DIP2C: variants seen among roughly 807,000 people sequenced by gnomAD.
DIP2C encodes the protein disco-interacting protein 2 homolog C.
In DIP2C, 33 loss-of-function variants were observed where a neutral mutation model predicts 192.4. That is an observed-to-expected ratio of 0.17 (90% confidence interval 0.13 to 0.23). The LOEUF is 0.23. DIP2C is among the 10% of genes least tolerant of loss of function. The pLI is 1.00. For missense variants in DIP2C, 1,537 were observed against 2,110.1 expected, an observed-to-expected ratio of 0.73 and a Z score of 5.32; for synonymous variants, 979 against 864.1, an observed-to-expected ratio of 1.13 and a Z score of -2.33.
intron 6 of DIP2C, among the ~76,000 whole-genome samples, chr10:417,285 G>A (rs1404784947): frequency 6.6e-6 from 1 of 152,150 alleles, no homozygotes; most frequent in Non-Finnish European, 1.5e-5. Flanking sequence ...GCCCCTGTGG[G>A]ATTCTGGTGT....
intron 2 of DIP2C, among the ~76,000 whole-genome samples, chr10:481,202 G>A (rs903532446): frequency 6.6e-6 from 1 of 152,216 alleles, no homozygotes; most frequent in African/African-American, 2.4e-5. Context: ...CCAACGGCCA[G>A]CCCAGGTGAA....
At chr10:586,985 T>C (rs1378467050) in intron 1 of DIP2C, among the ~76,000 whole-genome samples, 1 of 151,920 alleles carries the variant, frequency 6.6e-6, no homozygotes, top group Non-Finnish European at 1.5e-5. Context: ...GGGTCCCCAC[T>C]GACAGCATGG....
At chr10:645,050 G>C (rs553231842) in intron 1 of DIP2C, among the ~76,000 whole-genome samples, 2 of 152,294 alleles carry the variant, frequency 1.3e-5, no homozygotes, top group African/African-American at 2.4e-5. Flanking sequence ...CTCCGGATGA[G>C]GTGGGACATC....
chr10:514,587 G>A (rs1846232635), intron 1 of DIP2C, among the ~76,000 whole-genome samples: 1 of 152,148 alleles, frequency 6.6e-6, no homozygotes. Context: ...CAAGGACCGC[G>A]GGTTCCAGGG....
intron 1 of DIP2C, chr10:630,446 T>C (rs1187022019): frequency 6.6e-6 from 1 of 152,268 alleles, no homozygotes; most frequent in Non-Finnish European, 1.5e-5. Flanking sequence ...AACATATTCA[T>C]GGCATTATGA....
intron 3 of DIP2C, among the ~76,000 whole-genome samples, chr10:466,524 A>C (rs10904279): frequency 0.83 from 99,743 of 119,848 alleles, 43,976 homozygotes; most frequent in Non-Finnish European, 0.96. Context: ...GCAACAAAAG[A>C]CAAAATTGAC....
intron 3 of DIP2C, among the ~76,000 whole-genome samples, chr10:471,978 G>T (rs1380258539): frequency 6.6e-6 from 1 of 152,126 alleles, no homozygotes; most frequent in African/African-American, 2.4e-5. Context: ...GGTGGCACTG[G>T]CAACTCAGTC....
chr10:599,504 G>T (rs1396518716), intron 1 of DIP2C, among the ~76,000 whole-genome samples: 3 of 152,178 alleles, frequency 2.0e-5, no homozygotes, highest in African/African-American at 7.2e-5. Flanking sequence ...CTTCCCAGTC[G>T]AAGGAAGCAG....
intron 3 of DIP2C, among the ~76,000 whole-genome samples, chr10:456,836 T>C (rs1237279972): frequency 6.6e-6 from 1 of 152,202 alleles, no homozygotes; most frequent in Non-Finnish European, 1.5e-5. Flanking sequence ...TGGAGAGTTG[T>C]GCAAAATGGT....
chr10:396,700 G>A (rs1964009801), intron 10 of DIP2C, among the ~76,000 whole-genome samples: 2 of 152,124 alleles, frequency 1.3e-5, no homozygotes, highest in African/African-American at 4.8e-5. Context: ...AAGCATGACT[G>A]GAGTCCTCCA....
At chr10:577,113 A>G (rs898086445) in intron 1 of DIP2C, among the ~76,000 whole-genome samples, 4 of 152,198 alleles carry the variant, frequency 2.6e-5, no homozygotes, top group Non-Finnish European at 4.4e-5. Flanking sequence ...ACAAAAAATA[A>G]AGCGCAGATA....
At chr10:410,021 C>T (rs1174787484) in intron 8 of DIP2C, among the ~76,000 whole-genome samples, 1 of 152,160 alleles carries the variant, frequency 6.6e-6, no homozygotes, top group Non-Finnish European at 1.5e-5. Context: ...ATTTCAGTAC[C>T]ATCACTGTTT....
At chr10:484,259 A>C (rs947468610) in intron 2 of DIP2C, among the ~76,000 whole-genome samples, 1 of 152,232 alleles carries the variant, frequency 6.6e-6, no homozygotes, top group Non-Finnish European at 1.5e-5. Flanking sequence ...ACTGTCCGCC[A>C]AAGTAATTCT....
intron 1 of DIP2C, among the ~76,000 whole-genome samples, chr10:551,850 C>T (rs1037746016): frequency 2.0e-5 from 3 of 152,364 alleles, no homozygotes; most frequent in East Asian, 3.9e-4. Context: ...CGGCTGTGGA[C>T]TCCCCTAGGC....
At position 392,539 on chromosome 10, in the gene DIP2C, G is replaced by T. The variant is rs535268167; in HGVS notation, c.1261-1676C>A. 5.9e-5 allele frequency among the ~76,000 whole-genome samples: 9 copies of T among 152,348 alleles called. No homozygotes were observed. In the East Asian group the frequency reaches 1.2e-3, roughly 20 times the overall value. ...ATTCAGCCAAGGTGAGGCTGGGCCT[G>T]CTGCTCCTCCGCACGTGTAGAGTGC... On this transcript the variant is annotated intron_variant, in intron 10 of 36. Coordinates refer to ENST00000280886, the MANE Select transcript of DIP2C (RefSeq NM_014974.3).
At chr10:625,489 TTCTGC>T (rs1854139091) in intron 1 of DIP2C, among the ~76,000 whole-genome samples, 2 of 152,190 alleles carry the variant, frequency 1.3e-5, no homozygotes, top group South Asian at 2.1e-4. Context: ...GGCTCTGCCT[TTCTGC>T]AGGCTCCCCT....
At chr10:382,895 C>T (rs1417226521) in intron 16 of DIP2C, 134 bp from the exon 17 acceptor site, 15 of 525,376 alleles carry the variant, frequency 2.9e-5, no homozygotes, top group South Asian at 7.0e-5. Flanking sequence ...ATATTTAATA[C>T]AATTTATTAT....
At chr10:585,376 AAC>A (rs1850954753) in intron 1 of DIP2C, among the ~76,000 whole-genome samples, 1 of 152,340 alleles carries the variant, frequency 6.6e-6, no homozygotes, top group East Asian at 1.9e-4. Flanking sequence ...GGTGTTCCCA[AAC>A]ACACACAGCC....
At chr10:461,108 A>C (rs1969738838) in intron 3 of DIP2C, among the ~76,000 whole-genome samples, 1 of 152,244 alleles carries the variant, frequency 6.6e-6, no homozygotes, top group South Asian at 2.1e-4. Context: ...AACAAATTGT[A>C]AAGACCACTG....
Sources: gnomAD v4.1 joint callset for allele counts (sites outside exome capture counted in the v4.1 genomes callset) on GRCh38, gnomAD v4.1.1 for gene constraint, MANE v1.5 for transcripts, NCBI Gene and HGNC (gene_info 2026-07-23, HGNC 2026-07-21) for gene names.